The following ALPL variants were observed in gnomAD, a reference collection of about 807,000 sequenced individuals.
ALPL encodes the protein alkaline phosphatase, tissue-nonspecific isozyme.
Under a neutral mutation model 51.3 loss-of-function variants are expected in ALPL, and 42 were observed. The observed-to-expected ratio is 0.82, with a 90% CI of 0.64 to 1.06. ALPL has a LOEUF of 1.06. Ranked by LOEUF, ALPL falls within the 50% of genes least tolerant of loss-of-function variation. The pLI, the probability that ALPL is intolerant of heterozygous loss-of-function variation, is 0.00. For synonymous variants in ALPL, 279 were observed against 296.4 expected (o/e 0.94, Z 0.60); for missense variants, 589 against 709.4 (o/e 0.83, Z 1.93).
chr1:21,556,693 C>A lies in ALPL; in HGVS notation c.61+2551C>A, dbSNP rs576764104. Among the ~76,000 whole-genome samples, 21 of 152,244 alleles carry A rather than the reference C, an allele frequency of 1.4e-4. No homozygotes were observed. In the South Asian group the frequency reaches 4.1e-3, roughly 30 times the overall value. On this transcript the variant is annotated intron_variant, in intron 2 of 11. Transcript: ENST00000374840. ...GTGGCTCACGCCTGTAATCCCAGCA[C>A]TTTGGGAGGCCGAGGTAGGTGGATC... is the stretch of plus-strand genomic sequence containing the variant.
At chr1:21,567,507 T>C (rs1254012756) in intron 6 of ALPL, among the ~76,000 whole-genome samples, 1 of 152,190 alleles carries the variant, frequency 6.6e-6, no homozygotes, top group Admixed American at 6.5e-5. Flanking sequence ...AAGACCTCCC[T>C]GGCTGGAGCC....
chr1:21,528,867 C>T (rs1218545381), intron 1 of ALPL, among the ~76,000 whole-genome samples: 3 of 151,420 alleles, frequency 2.0e-5, no homozygotes, highest in East Asian at 2.0e-4. Flanking sequence ...GTCAGGAGTT[C>T]GAGACCAGCC....
chr1:21,539,614 G>A (rs1389757975), intron 1 of ALPL, among the ~76,000 whole-genome samples: 1 of 151,878 alleles, frequency 6.6e-6, no homozygotes, highest in Non-Finnish European at 1.5e-5. Flanking sequence ...GTGTGACACT[G>A]GGGAGGTTGT....
At chr1:21,538,796 A>G (rs1644144329) in intron 1 of ALPL, among the ~76,000 whole-genome samples, 1 of 152,114 alleles carries the variant, frequency 6.6e-6, no homozygotes, top group African/African-American at 2.4e-5. Flanking sequence ...CCTCCCTGCC[A>G]CTGCAAGCCC....
chr1:21,573,025 T>C (rs1003446624), intron 8 of ALPL, among the ~76,000 whole-genome samples: 3 of 152,232 alleles, frequency 2.0e-5, no homozygotes, highest in Non-Finnish European at 4.4e-5. Context: ...GAACCCCAGA[T>C]CTGCCACTTC....
chr1:21,541,071 C>T (rs1644177374), intron 1 of ALPL, among the ~76,000 whole-genome samples: 1 of 152,228 alleles, frequency 6.6e-6, no homozygotes, highest in African/African-American at 2.4e-5. Context: ...CTGTCTGCAG[C>T]CATCCAGGTG....
chr1:21,527,847 C>G lies in ALPL; in HGVS notation c.-105+18330C>G, dbSNP rs2651405. Among the ~76,000 whole-genome samples the G allele has an allele frequency of 3.2e-3, 489 of 152,200 alleles. 2 individuals are homozygous for G. Among genetic ancestry groups the G allele is most frequent in the African/African-American group, 0.011 (446 of 41,530 alleles). ...TTATAGGCATGACCACCACGCCCGG[C>G]CAGCCTTTAACATTTGAATGGCTGT... On this transcript the variant is annotated intron_variant, in intron 1 of 11. Transcript: ENST00000374840.
intron 1 of ALPL, among the ~76,000 whole-genome samples, chr1:21,514,043 C>A: frequency 6.6e-6 from 1 of 152,190 alleles, no homozygotes; most frequent in South Asian, 2.1e-4. Flanking sequence ...CTTGGGCCAG[C>A]CCTCAGGGGG....
chr1:21,576,206 A>C (rs1257022024), intron 10 of ALPL, among the ~76,000 whole-genome samples: 1 of 150,632 alleles, frequency 6.6e-6, no homozygotes, highest in Non-Finnish European at 1.5e-5. Flanking sequence ...GGCTGGCTGG[A>C]TGATGGATGG....
At chr1:21,540,076 C>A (rs1227886260) in intron 1 of ALPL, among the ~76,000 whole-genome samples, 1 of 152,168 alleles carries the variant, frequency 6.6e-6, no homozygotes, top group Non-Finnish European at 1.5e-5. Flanking sequence ...TTGGCGAACA[C>A]CGCAGATGTA....
At chr1:21,537,118 G>A (rs1644118616) in intron 1 of ALPL, among the ~76,000 whole-genome samples, 1 of 152,024 alleles carries the variant, frequency 6.6e-6, no homozygotes, top group Non-Finnish European at 1.5e-5. Flanking sequence ...GGATGGTCTT[G>A]ATCTCCTGAC....
intron 1 of ALPL, among the ~76,000 whole-genome samples, chr1:21,546,625 G>T (rs61459686): frequency 6.6e-6 from 1 of 152,186 alleles, no homozygotes; most frequent in African/African-American, 2.4e-5. Flanking sequence ...TGCCTCCTGG[G>T]TGACTGCTGG....
intron 1 of ALPL, among the ~76,000 whole-genome samples, chr1:21,533,295 G>C (rs1644054605): frequency 6.6e-6 from 1 of 152,168 alleles, no homozygotes; most frequent in African/African-American, 2.4e-5. Context: ...CTACCTCAAA[G>C]TGTAGGAGCA....
rs140187594 is a variant in ALPL, at chr1:21,529,584, T to G, written c.-105+20067T>G. Reference sequence around the variant, plus strand: ...TCCTCAAGCTAATAACTTAGCTCTCTCCTCCATCGTTCAGCAGCTGGATAC... The same window carrying G: ...TCCTCAAGCTAATAACTTAGCTCTCGCCTCCATCGTTCAGCAGCTGGATAC... On this transcript the variant is annotated intron_variant, in intron 1 of 11. Coordinates refer to ENST00000374840, the MANE Select transcript of ALPL (RefSeq NM_000478.6). Among the ~76,000 whole-genome samples, 11 of 152,338 alleles carry G rather than the reference T, an allele frequency of 7.2e-5. No individual in the cohort carries two copies. The East Asian group carries it at 1.2e-3, about 16-fold the overall frequency.
chr1:21,512,552 GA>G (rs1228055601), intron 1 of ALPL, among the ~76,000 whole-genome samples: 2 of 152,252 alleles, frequency 1.3e-5, no homozygotes, highest in East Asian at 1.9e-4. Context: ...ACACAGCAGG[GA>G]AAACACTGGT....
intron 1 of ALPL, among the ~76,000 whole-genome samples, chr1:21,543,599 A>G (rs756554791): frequency 6.6e-6 from 1 of 152,124 alleles, no homozygotes; most frequent in Non-Finnish European, 1.5e-5. Context: ...AAAAAAACAA[A>G]ACAAAACATT....
Position 21,573,808 on chromosome 1 carries a change from C to A in ALPL, c.997+9C>A. 1 of 1,614,108 alleles carries A rather than the reference C, an allele frequency of 6.2e-7. No homozygotes were observed. Among genetic ancestry groups the A allele is most frequent in the Non-Finnish European group, 8.5e-7 (1 of 1,180,016 alleles). On this transcript the variant is annotated intron_variant, in intron 9 of 11. Coordinates refer to ENST00000374840, the MANE Select transcript of ALPL (RefSeq NM_000478.6). Reference sequence around the variant, plus strand: ...CTTCTTGCTGGTGGAAGGTAGGGACCCCGGGTCTGCTGAGAGGGGGCTGCT... The same window carrying A: ...CTTCTTGCTGGTGGAAGGTAGGGACACCGGGTCTGCTGAGAGGGGGCTGCT...
intron 8 of ALPL, 143 bp from the exon 9 acceptor site, chr1:21,573,522 G>C (rs1385500292): frequency 1.0e-6 from 1 of 990,294 alleles, no homozygotes; most frequent in Non-Finnish European, 1.5e-6. Context: ...AAATCACCCA[G>C]ATAAGGATCC....
chr1:21,532,944 C>T (rs1159359347), intron 1 of ALPL, among the ~76,000 whole-genome samples: 2 of 152,164 alleles, frequency 1.3e-5, no homozygotes, highest in African/African-American at 4.8e-5. Flanking sequence ...CCTCAGGCTT[C>T]TCTTGGAGAA....
Sources: gnomAD v4.1 joint callset for allele counts (sites outside exome capture counted in the v4.1 genomes callset) on GRCh38, gnomAD v4.1.1 for gene constraint, MANE v1.5 for transcripts, NCBI Gene and HGNC (gene_info 2026-07-23, HGNC 2026-07-21) for gene names.